Variants in CELF5 observed in about 807,000 individuals in gnomAD.
The protein encoded by CELF5 is CUG-BP and ETR-3 like factor 5.
A neutral mutation model predicts 54.9 loss-of-function variants in CELF5; 6 were observed. The observed-to-expected ratio is 0.11, with a 90% CI of 0.06 to 0.22. CELF5 has a LOEUF of 0.22. Ranked by LOEUF, CELF5 falls within the 10% of genes least tolerant of loss-of-function variation. The pLI, the probability that CELF5 is intolerant of heterozygous loss-of-function variation, is 1.00. For missense variants in CELF5, 401 were observed against 678.6 expected, an observed-to-expected ratio of 0.59 and a Z score of 4.54; for synonymous variants, 271 against 290.9, an observed-to-expected ratio of 0.93 and a Z score of 0.70.
Position 3,240,836 on chromosome 19 carries a change from A to G in CELF5, c.260-10149A>G, listed in dbSNP as rs573356773. 3.3e-5 allele frequency among the ~76,000 whole-genome samples: 5 copies of G among 152,074 alleles called. No homozygotes were observed. The South Asian group carries it at 8.3e-4, about 25-fold the overall frequency. On this transcript the variant is annotated intron_variant, in intron 1 of 12. Coordinates refer to ENST00000292672, the MANE Select transcript of CELF5 (RefSeq NM_021938.4). ...GTGTCAGGCTCTGCCTCCTCCTAGC[A>G]GGAGGATCACAGAGAATCACTTCCC... is the stretch of plus-strand genomic sequence containing the variant.
intron 10 of CELF5, among the ~76,000 whole-genome samples, chr19:3,288,758 G>T (rs1256364304): frequency 6.6e-6 from 1 of 152,034 alleles, no homozygotes; most frequent in Non-Finnish European, 1.5e-5. Context: ...CAAAGTGGGG[G>T]GATTGCTTGA....
At chr19:3,226,288 T>C (rs886801754) in intron 1 of CELF5, among the ~76,000 whole-genome samples, 2 of 152,054 alleles carry the variant, frequency 1.3e-5, no homozygotes, top group African/African-American at 4.8e-5. Context: ...AATGAATGAA[T>C]GAATGAATGA....
intron 9 of CELF5, among the ~76,000 whole-genome samples, chr19:3,285,711 CACCATGG>C (rs2080234017): frequency 8.2e-6 from 1 of 122,092 alleles, no homozygotes; most frequent in Non-Finnish European, 1.8e-5. Context: ...CCCTGCCCTC[CACCATGG>C]CCCCGCCCCT....
intron 2 of CELF5, among the ~76,000 whole-genome samples, chr19:3,269,741 T>C (rs1442695494): frequency 6.6e-6 from 1 of 152,086 alleles, no homozygotes; most frequent in Non-Finnish European, 1.5e-5. Flanking sequence ...GATGTCTAGG[T>C]CCTTAGGACA....
In CELF5 at chr19:3,228,005, G is replaced by T. The variant is rs928064062; in HGVS notation, c.259+3007G>T. Among the ~76,000 whole-genome samples, 2 of 152,092 alleles carry T rather than the reference G, an allele frequency of 1.3e-5. No individual in the cohort carries two copies. The highest frequency in any genetic ancestry group is 2.9e-5 in the Non-Finnish European group (2 of 68,000). On this transcript the variant is annotated intron_variant, in intron 1 of 12. Transcript: ENST00000292672. The surrounding 1 kb of genome is among the most constrained non-coding windows in gnomAD (Gnocchi z 6.0). ...AGGCCGTGCTGAGACTCAGAGAAAG[G>T]CAGGAGGCCTCATCCAGGAGCGGGG...
chr19:3,270,239 G>T (rs926643494), intron 2 of CELF5, among the ~76,000 whole-genome samples: 2 of 152,148 alleles, frequency 1.3e-5, no homozygotes, highest in Non-Finnish European at 2.9e-5. Flanking sequence ...CTCAGCCTTG[G>T]GGGCCCCAGA....
chr19:3,279,655 G>A (rs2080114561), intron 5 of CELF5, among the ~76,000 whole-genome samples: 1 of 150,730 alleles, frequency 6.6e-6, no homozygotes, highest in Non-Finnish European at 1.5e-5. Context: ...GTCGGGGTGT[G>A]GGCTGGTTTG....
chr19:3,283,696 C>G (rs1008669877), intron 8 of CELF5, among the ~76,000 whole-genome samples: 2 of 152,130 alleles, frequency 1.3e-5, no homozygotes, highest in African/African-American at 4.8e-5. Flanking sequence ...TACCACAGAG[C>G]AGTCCCAGGT....
chr19:3,234,005 C>T (rs1422994536), intron 1 of CELF5, among the ~76,000 whole-genome samples: 2 of 152,202 alleles, frequency 1.3e-5, no homozygotes, highest in Non-Finnish European at 2.9e-5. Context: ...CCCCTCAGTG[C>T]CCTCCCATTC....
chr19:3,239,102 T>C (rs1344078684), intron 1 of CELF5, among the ~76,000 whole-genome samples: 1 of 152,070 alleles, frequency 6.6e-6, no homozygotes, highest in African/African-American at 2.4e-5. Flanking sequence ...TTTATAAAAT[T>C]AATTTTAATT....
At chr19:3,227,693 G>A (rs1197757086) in intron 1 of CELF5, among the ~76,000 whole-genome samples, 4 of 152,050 alleles carry the variant, frequency 2.6e-5, no homozygotes, top group South Asian at 2.1e-4. Flanking sequence ...GGAACCCATC[G>A]CCATGGAGGT....
intron 1 of CELF5, among the ~76,000 whole-genome samples, chr19:3,240,583 CT>C (rs2079477914): frequency 6.6e-6 from 1 of 152,076 alleles, no homozygotes; most frequent in Non-Finnish European, 1.5e-5. Flanking sequence ...CTGCCTCGGC[CT>C]CCCAGAGTGC....
At chr19:3,230,856 T>C (rs1917221083) in intron 1 of CELF5, among the ~76,000 whole-genome samples, 1 of 152,304 alleles carries the variant, frequency 6.6e-6, no homozygotes, top group Middle Eastern at 3.4e-3. Flanking sequence ...TCCGATTACA[T>C]TGGCTCTTAG....
Position 3,281,913 on chromosome 19 carries a change from T to C in CELF5, c.751-213T>C, listed in dbSNP as rs776074575. Reference sequence around the variant, plus strand: ...GGCTGAGCCCCAATTCCTGACTAGATTGAGCCCTGATCTCAGCCTGAGCCT... The same window carrying C: ...GGCTGAGCCCCAATTCCTGACTAGACTGAGCCCTGATCTCAGCCTGAGCCT... On this transcript the variant is annotated intron_variant, in intron 6 of 12. Coordinates refer to ENST00000292672, the MANE Select transcript of CELF5 (RefSeq NM_021938.4). The surrounding 1 kb of genome is among the most constrained non-coding windows in gnomAD (Gnocchi z 6.5). 1.3e-5 allele frequency among the ~76,000 whole-genome samples: 2 copies of C among 151,632 alleles called. No individual in the cohort carries two copies. Among genetic ancestry groups the C allele is most frequent in the Non-Finnish European group, 2.9e-5 (2 of 67,912 alleles).
At chr19:3,296,646 C>T (rs953222922) in intron 12 of CELF5, 112 bp from the exon 13 acceptor site, 1 of 152,196 alleles carries the variant, frequency 6.6e-6, no homozygotes. Context: ...CCGCGGCGCC[C>T]GCCGAGGCCC....
At chr19:3,284,842 G>A in intron 8 of CELF5, 60 bp from the exon 9 acceptor site, 14 of 1,439,780 alleles carry the variant, frequency 9.7e-6, no homozygotes, top group Non-Finnish European at 1.3e-5. Flanking sequence ...CTTAAGGATC[G>A]GGGGTGGATG....
In CELF5 at chr19:3,224,727, T is replaced by A; in HGVS notation, c.-13T>A. ...CCCGCCGCCGCCGCCGCCGGCTCGG[T>A]CCCGCGCCCGCCATGGCCCGCCTGA... On this transcript the variant is annotated 5_prime_UTR_variant, in exon 1 of 13. Coordinates refer to ENST00000292672, the MANE Select transcript of CELF5 (RefSeq NM_021938.4). 8.4e-7 allele frequency: 1 copy of A among 1,197,096 alleles called. No individual in the cohort carries two copies. Among genetic ancestry groups the A allele is most frequent in the Non-Finnish European group, 1.0e-6 (1 of 956,070 alleles). The allele number at this position is 1,197,096 out of a possible 1,614,324, so 74.2% of individuals were successfully genotyped here. A position where few individuals can be genotyped will look rare whatever the true frequency, so the allele number is the denominator to read the frequency against.
intron 10 of CELF5, among the ~76,000 whole-genome samples, chr19:3,287,492 G>A: frequency 6.7e-6 from 1 of 150,204 alleles, no homozygotes. Flanking sequence ...CCAGGAGGCG[G>A]AGGTTGCAGT....
chr19:3,243,222 T>C (rs1172913545), intron 1 of CELF5, among the ~76,000 whole-genome samples: 1 of 152,120 alleles, frequency 6.6e-6, no homozygotes, highest in Admixed American at 6.6e-5. Flanking sequence ...TGTATGTGTG[T>C]GTTTTTTAAT....
Sources: allele counts gnomAD v4.1 joint callset (sites outside exome capture counted in the v4.1 genomes callset), GRCh38; gene constraint gnomAD v4.1.1; non-coding constraint Gnocchi (gnomAD v3.1); transcripts MANE v1.5; gene names NCBI Gene and HGNC (gene_info 2026-07-23, HGNC 2026-07-21).